Variants in AUTS2 observed in about 807,000 individuals in gnomAD.
The protein encoded by AUTS2 is autism susceptibility gene 2 protein.
A neutral mutation model predicts 112.4 loss-of-function variants in AUTS2; 17 were observed. The observed-to-expected ratio is 0.15, with a 90% CI of 0.10 to 0.23. AUTS2 has a LOEUF of 0.23. Among genes scored for constraint, AUTS2 ranks in the 10% least tolerant of loss-of-function variants. The pLI is 1.00. For missense variants in AUTS2, 1,510 were observed against 1,701.6 expected, an observed-to-expected ratio of 0.89 and a Z score of 1.98; for synonymous variants, 751 against 702.7, an observed-to-expected ratio of 1.07 and a Z score of -1.09.
At position 69,899,333 on chromosome 7, in the gene AUTS2, G is replaced by A. The variant is rs147484499; in HGVS notation, c.357G>A (p.Thr119=). The A allele has an allele frequency of 9.3e-6, 15 of 1,613,940 alleles. No individual in the cohort carries two copies. Among genetic ancestry groups the A allele is most frequent in the African/African-American group, 5.3e-5 (4 of 75,016 alleles). ...KPQERVEKRQ[T]PLTKKKREAL... ...AGGAACGTGTGGAGAAACGCCAGACGCCCCTGACCAAGAAGAAACGAGAAG... is the reference window on the plus strand; with the variant it reads ...AGGAACGTGTGGAGAAACGCCAGACACCCCTGACCAAGAAGAAACGAGAAG... Residue 119 remains threonine (T), a synonymous_variant, in exon 2 of 19, where the codon ACG becomes ACA. Transcript: ENST00000342771.
intron 1 of AUTS2, among the ~76,000 whole-genome samples, chr7:69,668,623 CTGT>C (rs758153633): frequency 6.6e-6 from 1 of 152,178 alleles, no homozygotes; most frequent in Non-Finnish European, 1.5e-5. Context: ...TCCTTCAAAG[CTGT>C]TGTTAAGATT....
At chr7:70,482,420 A>G (rs1797827375) in intron 5 of AUTS2, among the ~76,000 whole-genome samples, 1 of 152,210 alleles carries the variant, frequency 6.6e-6, no homozygotes, top group Non-Finnish European at 1.5e-5. Context: ...GAATTTGAGT[A>G]AGGAAAAGGG....
rs907781369 is a variant in AUTS2 at position 70,068,344 on chromosome 7, A to AT, written c.523-49775dup. On this transcript the variant is annotated intron_variant, in intron 2 of 18. Coordinates refer to ENST00000342771, the MANE Select transcript of AUTS2 (RefSeq NM_015570.4). ...AGGCACCTGCCACCCCACCCGGCTA[A>AT]TTTTTTTTTTTTTGTATTTTTAGTG... Among the ~76,000 whole-genome samples the AT allele has an allele frequency of 2.3e-3, 332 of 143,562 alleles. 1 individual carries two copies. Among genetic ancestry groups the AT allele is most frequent in the Middle Eastern group, 3.7e-3 (1 of 272 alleles). The allele number at this position is 143,562 out of a possible 152,430, so 94.2% of individuals were successfully genotyped here. A position where few individuals can be genotyped will look rare whatever the true frequency, so the allele number is the denominator to read the frequency against.
intron 5 of AUTS2, among the ~76,000 whole-genome samples, chr7:70,577,798 G>A (rs959071521): frequency 2.0e-5 from 2 of 98,558 alleles, no homozygotes; most frequent in Non-Finnish European, 4.5e-5. Flanking sequence ...GTTCATATGT[G>A]TTTTATTGGG....
chr7:70,257,195 C>G (rs1387921031), intron 4 of AUTS2, among the ~76,000 whole-genome samples: 1 of 152,030 alleles, frequency 6.6e-6, no homozygotes, highest in Non-Finnish European at 1.5e-5. Context: ...GGCTGGAGAT[C>G]AGTGGCATAA....
At chr7:69,600,047 C>T in intron 1 of AUTS2, 85 bp downstream of exon 1, 15 of 1,376,440 alleles carry the variant, frequency 1.1e-5, no homozygotes, top group Non-Finnish European at 1.5e-5. Context: ...CCTCGCCGCG[C>T]TCCGGGCTGT....
At chr7:70,402,069 TC>T (rs1794349190) in intron 4 of AUTS2, among the ~76,000 whole-genome samples, 2 of 152,338 alleles carry the variant, frequency 1.3e-5, no homozygotes, top group African/African-American at 4.8e-5. Context: ...GGGTCCTTGC[TC>T]CCCGCAAAGT....
At chr7:70,356,570 T>C (rs928252834) in intron 4 of AUTS2, among the ~76,000 whole-genome samples, 8 of 152,186 alleles carry the variant, frequency 5.3e-5, no homozygotes, top group Non-Finnish European at 1.2e-4. Flanking sequence ...TGTGGGCTGG[T>C]CAGTGTTGTG....
chr7:70,491,019 G>A (rs972759896), intron 5 of AUTS2, among the ~76,000 whole-genome samples: 1 of 152,172 alleles, frequency 6.6e-6, no homozygotes, highest in African/African-American at 2.4e-5. Context: ...TGTGGCATGG[G>A]CCAGTTTCAT....
chr7:70,345,232 T>C (rs1216686387), intron 4 of AUTS2, among the ~76,000 whole-genome samples: 1 of 152,186 alleles, frequency 6.6e-6, no homozygotes, highest in Admixed American at 6.5e-5. Flanking sequence ...TGGATGGTTA[T>C]CTAATCCAAC....
At chr7:70,663,626 G>A (rs545588633) in intron 5 of AUTS2, among the ~76,000 whole-genome samples, 2 of 151,794 alleles carry the variant, frequency 1.3e-5, no homozygotes, top group Non-Finnish European at 1.5e-5. Context: ...ATCATGGGGA[G>A]GAAGACTCAG....
chr7:69,688,662 A>G (rs1797166487), intron 1 of AUTS2, among the ~76,000 whole-genome samples: 1 of 152,168 alleles, frequency 6.6e-6, no homozygotes, highest in African/African-American at 2.4e-5. Flanking sequence ...GCTATTTGAC[A>G]ATACGTAATA....
intron 5 of AUTS2, among the ~76,000 whole-genome samples, chr7:70,464,557 C>T (rs898529408): frequency 6.6e-6 from 1 of 152,146 alleles, no homozygotes; most frequent in African/African-American, 2.4e-5. Flanking sequence ...GGTCTCACGG[C>T]TAGTACAATT....
chr7:69,897,585 C>CAAA (rs1372464590), intron 1 of AUTS2, among the ~76,000 whole-genome samples: 1 of 96,740 alleles, frequency 1.0e-5, no homozygotes, highest in Non-Finnish European at 2.2e-5. Context: ...ACTAAAAATA[C>CAAA]AAAAAAAAAA....
chr7:70,594,718 C>A (rs1310398274), intron 5 of AUTS2, among the ~76,000 whole-genome samples: 1 of 152,060 alleles, frequency 6.6e-6, no homozygotes, highest in East Asian at 1.9e-4. Context: ...ATAGACTCAG[C>A]GAGAGTGGGA....
At chr7:69,662,439 T>A (rs956615034) in intron 1 of AUTS2, among the ~76,000 whole-genome samples, 2 of 152,004 alleles carry the variant, frequency 1.3e-5, no homozygotes, top group Non-Finnish European at 1.5e-5. Context: ...TTTAGCAGCA[T>A]CCCTGGACTC....
At chr7:70,284,893 C>T (rs755053148) in intron 4 of AUTS2, among the ~76,000 whole-genome samples, 1 of 152,172 alleles carries the variant, frequency 6.6e-6, no homozygotes, top group Non-Finnish European at 1.5e-5. Flanking sequence ...ATCAAAAACT[C>T]TAGACTCCTT....
In AUTS2 at chr7:70,790,646, G is replaced by C; in HGVS notation, c.3430G>C (p.Glu1144Gln). Residue 1144 changes from glutamate (E) to glutamine (Q), a missense_variant, in exon 19 of 19, where the codon GAG becomes CAG. By Grantham distance (29) the Glu-to-Gln change is conservative (BLOSUM62 2). Coordinates refer to ENST00000342771, the MANE Select transcript of AUTS2 (RefSeq NM_015570.4). The surrounding 1 kb of genome is among the most constrained non-coding windows in gnomAD (Gnocchi z 7.6). ...PLSVDPRREH[E>Q]RGGHLDERER... The stretch of plus-strand genomic sequence containing the variant: ...GTCTGTGGACCCTCGGCGGGAGCAC[G>C]AGCGGGGAGGCCACCTGGACGAGCG... 4 of 1,612,682 alleles carry C rather than the reference G, an allele frequency of 2.5e-6. No homozygotes were observed. Among genetic ancestry groups the C allele is most frequent in the Non-Finnish European group, 2.5e-6 (3 of 1,179,626 alleles).
chr7:70,508,555 T>A (rs1799060970), intron 5 of AUTS2, among the ~76,000 whole-genome samples: 1 of 152,148 alleles, frequency 6.6e-6, no homozygotes, highest in Admixed American at 6.5e-5. Flanking sequence ...CTCTCCCCAG[T>A]AGTCAGTCCT....
Sources: gnomAD v4.1 joint callset for allele counts (sites outside exome capture counted in the v4.1 genomes callset) on GRCh38, gnomAD v4.1.1 for gene constraint, Gnocchi (gnomAD v3.1) non-coding constraint, MANE v1.5 for transcripts, NCBI Gene and HGNC (gene_info 2026-07-23, HGNC 2026-07-21) for gene names.